The following ASPH variants were observed in gnomAD, a reference collection of about 807,000 sequenced individuals.
ASPH encodes aspartyl/asparaginyl beta-hydroxylase.
A neutral mutation model predicts 118.4 loss-of-function variants in ASPH; 100 were observed. That is an observed-to-expected ratio of 0.84 (90% CI 0.72 to 1.00). The LOEUF (loss-of-function observed/expected upper bound fraction) is 1.00, where lower values mean the gene tolerates loss of function less well. Among genes scored for constraint, ASPH ranks in the 50% least tolerant of loss-of-function variants. ASPH has a pLI of 0.00. For synonymous variants in ASPH, 315 were observed against 325.6 expected (o/e 0.97, Z 0.35); for missense variants, 920 against 919.5 (o/e 1.00, Z -0.01).
chr8:61,697,508 C>T (rs1440583143), intron 1 of ASPH, among the ~76,000 whole-genome samples: 2 of 152,178 alleles, frequency 1.3e-5, no homozygotes, highest in African/African-American at 4.8e-5. Context: ...TCTCACAAGA[C>T]TGTCTCTACT....
At position 61,567,337 on chromosome 8, in the gene ASPH, C is replaced by G. The variant is rs370622989; in HGVS notation, c.1150-19G>C. The G allele has an allele frequency of 2.1e-4, 333 of 1,605,504 alleles. No individual in the cohort carries two copies. The highest frequency in any genetic ancestry group is 2.7e-4 in the Non-Finnish European group (322 of 1,175,306). ...CCTCACACTAGAAGAAGTCCCCAGA[C>G]TGGATAAATGTCCCATGACTAGCTG... On this transcript the variant is annotated intron_variant, in intron 16 of 24. Coordinates refer to ENST00000379454, the MANE Select transcript of ASPH (RefSeq NM_004318.4).
chr8:61,564,364 T>C (rs1387706648), intron 17 of ASPH, among the ~76,000 whole-genome samples: 1 of 150,800 alleles, frequency 6.6e-6, no homozygotes, highest in African/African-American at 2.4e-5. Context: ...AGTGGCATGA[T>C]CTCGGCTCAC....
rs940430242 is a variant in ASPH at position 61,663,831 on chromosome 8, G to T, written c.323-10171C>A. The stretch of plus-strand genomic sequence containing the variant: ...GTTTCTGTCAACTAAATGTCGTAAA[G>T]TATTTGACTTTAAATAGTAAAAGGC... On this transcript the variant is annotated intron_variant, in intron 3 of 24. Transcript: ENST00000379454. 180 of 981,264 alleles carry T rather than the reference G, an allele frequency of 1.8e-4. 1 individual carries two copies. The highest frequency in any genetic ancestry group is 4.9e-4 in the Admixed American group (8 of 16,256). The allele number at this position is 981,264 out of a possible 1,614,324, so 60.8% of individuals were successfully genotyped here. A position where few individuals can be genotyped will look rare whatever the true frequency, so the allele number is the denominator to read the frequency against.
chr8:61,613,560 T>TA (rs1260785852), intron 14 of ASPH, among the ~76,000 whole-genome samples: 4 of 152,144 alleles, frequency 2.6e-5, no homozygotes, highest in African/African-American at 9.7e-5. Context: ...TATGTGCTAA[T>TA]AAAAAATCTG....
Position 61,519,546 on chromosome 8 carries a change from G to A in ASPH, c.1901-1423C>T, listed in dbSNP as rs73685075. ...CCCTCATCCCATAACCTGTGAATAT[G>A]TTGTCTTTCATGCAAGAGGGAATTA... On this transcript the variant is annotated intron_variant, in intron 22 of 24. Coordinates refer to ENST00000379454, the MANE Select transcript of ASPH (RefSeq NM_004318.4). 8.1e-3 allele frequency among the ~76,000 whole-genome samples: 1,241 copies of A among 152,288 alleles called. 11 individuals carry two copies. The highest frequency in any genetic ancestry group is 0.029 in the African/African-American group (1,185 of 41,562).
intron 5 of ASPH, among the ~76,000 whole-genome samples, chr8:61,648,786 G>T (rs1563377279): frequency 6.6e-6 from 1 of 152,156 alleles, no homozygotes; most frequent in Non-Finnish European, 1.5e-5. Context: ...GAAAGATGAA[G>T]AACTTGAAAA....
Position 61,670,002 on chromosome 8 carries a change from C to T in ASPH, c.322+10966G>A, listed in dbSNP as rs540407972. On this transcript the variant is annotated intron_variant, in intron 3 of 24. Transcript: ENST00000379454. The stretch of plus-strand genomic sequence containing the variant: ...TAGAAATGAACACATGAACAAAGTG[C>T]AATGCATGATATAAAACTCCAAAGG... 3.0e-4 allele frequency among the ~76,000 whole-genome samples: 45 copies of T among 152,198 alleles called. No individual in the cohort carries two copies. The South Asian group carries it at 8.9e-3, about 30-fold the overall frequency.
chr8:61,571,294 A>C (rs953099306), intron 16 of ASPH, among the ~76,000 whole-genome samples: 2 of 152,206 alleles, frequency 1.3e-5, no homozygotes, highest in Non-Finnish European at 2.9e-5. Context: ...TCAATTTTCT[A>C]CTGTGACATA....
rs1804888733 is a variant in ASPH at position 61,501,327 on chromosome 8, CA to C, written c.*2031del. On this transcript the variant is annotated 3_prime_UTR_variant, in exon 25 of 25. Transcript: ENST00000379454. ...GTCAATTATTGACAACACTTTGCAA[CA>C]GTAATACCATTTCTAGCTTTTCAAT... is the stretch of plus-strand genomic sequence containing the variant. 6.6e-6 allele frequency: 1 copy of C among 152,144 alleles called. No individual in the cohort carries two copies. The highest frequency in any genetic ancestry group is 2.4e-5 in the African/African-American group (1 of 41,456). 9.4% of individuals were successfully genotyped at this position (152,144 alleles called of 1,614,324 possible).
chr8:61,636,837 C>T (rs2150858024), intron 12 of ASPH, among the ~76,000 whole-genome samples: 1 of 152,192 alleles, frequency 6.6e-6, no homozygotes, highest in Non-Finnish European at 1.5e-5. Flanking sequence ...TAATATCCCT[C>T]ATAGAGAACT....
At chr8:61,588,873 T>C (rs1408739480) in intron 14 of ASPH, among the ~76,000 whole-genome samples, 2 of 152,222 alleles carry the variant, frequency 1.3e-5, no homozygotes, top group African/African-American at 4.8e-5. Flanking sequence ...GAAAACCCGA[T>C]GTCCATCAAC....
intron 1 of ASPH, among the ~76,000 whole-genome samples, chr8:61,701,692 T>C (rs974857679): frequency 1.3e-5 from 2 of 151,984 alleles, no homozygotes; most frequent in African/African-American, 4.8e-5. Flanking sequence ...TTCAAGAAAA[T>C]AAGCATTATA....
intron 3 of ASPH, among the ~76,000 whole-genome samples, chr8:61,672,118 C>T (rs971003585): frequency 6.6e-6 from 1 of 152,142 alleles, no homozygotes; most frequent in African/African-American, 2.4e-5. Flanking sequence ...GTCTGAGTAA[C>T]CATCCTGTTA....
chr8:61,664,190 C>A, intron 3 of ASPH: 1 of 969,236 alleles, frequency 1.0e-6, no homozygotes, highest in Non-Finnish European at 1.2e-6. Context: ...ACTAAAACTT[C>A]ACTTTTATAT....
In ASPH at chr8:61,684,037, A is replaced by T; in HGVS notation, c.253+2T>A. The T allele has an allele frequency of 6.2e-7, 1 of 1,613,280 alleles. No individual in the cohort carries two copies. Among genetic ancestry groups the T allele is most frequent in the Non-Finnish European group, 8.5e-7 (1 of 1,179,502 alleles). On this transcript the variant is annotated splice_donor_variant, in intron 2 of 24. Transcript: ENST00000379454. LOFTEE classifies it high-confidence loss of function. ...TTCACATAAGGATATCAAAATTCTT[A>T]CCTAGAACTTCCTCATAGTCAACAA...
At chr8:61,673,358 G>C (rs1291455603) in intron 3 of ASPH, among the ~76,000 whole-genome samples, 3 of 152,158 alleles carry the variant, frequency 2.0e-5, no homozygotes, top group Non-Finnish European at 4.4e-5. Flanking sequence ...GGAAGCTAAA[G>C]GGCTGAAAAG....
chr8:61,702,681 CAAAACCAGGAAAG>C (rs1835550181), intron 1 of ASPH, among the ~76,000 whole-genome samples: 1 of 152,122 alleles, frequency 6.6e-6, no homozygotes, highest in South Asian at 2.1e-4. Context: ...ACCTTGATAA[CAAAACCAGGAAAG>C]AAAATGTCGG....
chr8:61,582,022 G>A (rs1303477572), intron 15 of ASPH, among the ~76,000 whole-genome samples: 1 of 152,202 alleles, frequency 6.6e-6, no homozygotes, highest in African/African-American at 2.4e-5. Flanking sequence ...TGGAGTGTGT[G>A]TTAGTTGGCC....
At chr8:61,706,291 T>C (rs1392020310) in intron 1 of ASPH, among the ~76,000 whole-genome samples, 1 of 148,330 alleles carries the variant, frequency 6.7e-6, no homozygotes, top group South Asian at 2.1e-4. Flanking sequence ...GGCATGGTGG[T>C]GCATGCCTGT....
Sources: gnomAD v4.1 joint callset for allele counts (sites outside exome capture counted in the v4.1 genomes callset) on GRCh38, gnomAD v4.1.1 for gene constraint, MANE v1.5 for transcripts, NCBI Gene and HGNC (gene_info 2026-07-23, HGNC 2026-07-21) for gene names.